The following ATP2C2 variants were observed in gnomAD, a reference collection of about 807,000 sequenced individuals.
The protein encoded by ATP2C2 is calcium-transporting ATPase type 2C member 2.
Under a neutral mutation model 110.8 loss-of-function variants are expected in ATP2C2, and 171 were observed. That is an observed-to-expected ratio of 1.54 (90% CI 1.36 to 1.75). The LOEUF (loss-of-function observed/expected upper bound fraction) is 1.75. Ranked by LOEUF, ATP2C2 falls within the 40% of genes most tolerant of loss-of-function variation. The pLI is 0.00. For missense variants in ATP2C2, 1,963 were observed against 1,235.0 expected, an observed-to-expected ratio of 1.59 and a Z score of -8.84; for synonymous variants, 804 against 508.4, an observed-to-expected ratio of 1.58 and a Z score of -7.82.
chr16:84,378,593 A>T (rs750761845), intron 1 of ATP2C2, among the ~76,000 whole-genome samples: 2 of 152,228 alleles, frequency 1.3e-5, no homozygotes, highest in African/African-American at 2.4e-5. Flanking sequence ...CTCTCTGCAC[A>T]ATGCCTTGTT....
chr16:84,423,907 G>A (rs1031633035), intron 10 of ATP2C2, among the ~76,000 whole-genome samples: 2 of 152,228 alleles, frequency 1.3e-5, no homozygotes, highest in Non-Finnish European at 2.9e-5. Context: ...TGATGCTGCG[G>A]TTCTGAATCT....
intron 26 of ATP2C2, among the ~76,000 whole-genome samples, chr16:84,463,212 G>A (rs1258631884): frequency 8.7e-6 from 1 of 114,802 alleles, no homozygotes; most frequent in Non-Finnish European, 2.1e-5. Context: ...GGAACATGTC[G>A]CTGGGAATTC....
chr16:84,447,800 A>G (rs1056817326), intron 16 of ATP2C2, among the ~76,000 whole-genome samples: 9 of 147,532 alleles, frequency 6.1e-5, no homozygotes, highest in South Asian at 2.1e-4. Flanking sequence ...TAAATAATAT[A>G]CAATACATAT....
chr16:84,410,933 T>C (rs1019186821), intron 6 of ATP2C2, 168 bp downstream of exon 6: 2 of 666,300 alleles, frequency 3.0e-6, no homozygotes, highest in African/African-American at 3.6e-5. Context: ...GGTCGCTGTG[T>C]GTCCTCGGGC....
intron 15 of ATP2C2, among the ~76,000 whole-genome samples, chr16:84,446,016 C>T (rs1909716131): frequency 1.3e-5 from 2 of 152,222 alleles, no homozygotes; most frequent in Admixed American, 1.3e-4. Flanking sequence ...GGGGTTCCGT[C>T]TGAGAAATTG....
intron 11 of ATP2C2, among the ~76,000 whole-genome samples, chr16:84,431,898 G>T (rs987163424): frequency 6.6e-6 from 1 of 152,152 alleles, no homozygotes; most frequent in African/African-American, 2.4e-5. Context: ...AGAAGCGGGG[G>T]CTGGGAGGAA....
At chr16:84,439,143 A>T (rs1909005288) in intron 11 of ATP2C2, 23 bp from the exon 12 acceptor site, 21 of 1,611,522 alleles carry the variant, frequency 1.3e-5, no homozygotes, top group Non-Finnish European at 1.7e-5. Flanking sequence ...GTTAGAGGGG[A>T]CTCATTTGAC....
intron 25 of ATP2C2, 78 bp from the exon 26 acceptor site, chr16:84,461,910 C>G (rs1045758905): frequency 5.0e-6 from 8 of 1,605,426 alleles, no homozygotes; most frequent in African/African-American, 1.3e-5. Flanking sequence ...TCTGGCTCAG[C>G]GTGGGCAGTC....
At chr16:84,436,433 C>A (rs1034088536) in intron 11 of ATP2C2, among the ~76,000 whole-genome samples, 1 of 152,038 alleles carries the variant, frequency 6.6e-6, no homozygotes, top group Non-Finnish European at 1.5e-5. Context: ...GGGCCTGGAC[C>A]GGGCGTGTCT....
In ATP2C2 at chr16:84,410,760, T is replaced by C; in HGVS notation, c.510T>C (p.Cys170=). The C allele has an allele frequency of 6.2e-7, 1 of 1,614,056 alleles. No homozygotes were observed. Among genetic ancestry groups the C allele is most frequent in the Non-Finnish European group, 8.5e-7 (1 of 1,179,914 alleles). Residue 170 remains cysteine, a synonymous_variant, in exon 6 of 27, where the codon TGT becomes TGC. Transcript: ENST00000262429. ...EELTKLVPPE[C]NCLREGKLQH... is the part of the protein sequence containing the mutation. ...TGACCAAGCTGGTTCCTCCAGAATGTAACTGGTAAGTCAGAGCCTCCCTGG... is the reference window on the plus strand; with the variant it reads ...TGACCAAGCTGGTTCCTCCAGAATGCAACTGGTAAGTCAGAGCCTCCCTGG...
chr16:84,410,355 G>T (rs975279193), intron 4 of ATP2C2, among the ~76,000 whole-genome samples: 1 of 152,014 alleles, frequency 6.6e-6, no homozygotes, highest in South Asian at 2.1e-4. Context: ...AATCTAGATG[G>T]GTACTCTGAA....
intron 1 of ATP2C2, among the ~76,000 whole-genome samples, chr16:84,396,732 G>A (rs1905007536): frequency 6.6e-6 from 1 of 151,600 alleles, no homozygotes; most frequent in Non-Finnish European, 1.5e-5. Flanking sequence ...GAGAATGGGG[G>A]GAAAAGTCTT....
At chr16:84,411,077 AC>A (rs1191476880) in intron 6 of ATP2C2, among the ~76,000 whole-genome samples, 1 of 152,146 alleles carries the variant, frequency 6.6e-6, no homozygotes, top group Non-Finnish European at 1.5e-5. Flanking sequence ...AATGTGCAGA[AC>A]TGTGTGCATT....
chr16:84,398,289 C>A (rs944724980), intron 1 of ATP2C2, among the ~76,000 whole-genome samples: 4 of 151,866 alleles, frequency 2.6e-5, no homozygotes, highest in Non-Finnish European at 5.9e-5. Flanking sequence ...ACCTGTAATC[C>A]CAGCTACTCG....
chr16:84,426,047 T>C, intron 11 of ATP2C2: 1 of 388,346 alleles, frequency 2.6e-6, no homozygotes, highest in Non-Finnish European at 4.6e-6. Flanking sequence ...TGTTCTTGCA[T>C]TGCTAAAAAA....
chr16:84,370,207 C>G (rs569448605), intron 1 of ATP2C2, among the ~76,000 whole-genome samples: 1 of 152,158 alleles, frequency 6.6e-6, no homozygotes, highest in Non-Finnish European at 1.5e-5. Flanking sequence ...GTGGACTCGT[C>G]CCTCCAAAGC....
chr16:84,392,498 T>C (rs1480843860), intron 1 of ATP2C2, among the ~76,000 whole-genome samples: 1 of 152,164 alleles, frequency 6.6e-6, no homozygotes, highest in Non-Finnish European at 1.5e-5. Flanking sequence ...ATTCTGCTCT[T>C]GTTGCCCAGG....
chr16:84,431,052 G>GCT (rs1247345558), intron 11 of ATP2C2, among the ~76,000 whole-genome samples: 1 of 152,114 alleles, frequency 6.6e-6, no homozygotes, highest in Admixed American at 6.6e-5. Flanking sequence ...CATCAAAAGT[G>GCT]CTGATCCAGC....
intron 6 of ATP2C2, among the ~76,000 whole-genome samples, chr16:84,412,598 T>C (rs181394652): frequency 4.5e-4 from 68 of 152,152 alleles, no homozygotes; most frequent in Non-Finnish European, 8.1e-4. Flanking sequence ...GGGGTTTCAC[T>C]ATGTTGCTCA....
Sources: gnomAD v4.1 joint callset for allele counts (sites outside exome capture counted in the v4.1 genomes callset) on GRCh38, gnomAD v4.1.1 for gene constraint, MANE v1.5 for transcripts, NCBI Gene and HGNC (gene_info 2026-07-23, HGNC 2026-07-21) for gene names.